SRC: variants seen among roughly 807,000 people sequenced by gnomAD.
The protein encoded by SRC is proto-oncogene tyrosine-protein kinase Src.
Under a neutral mutation model 62.9 loss-of-function variants are expected in SRC, and 13 were observed. The ratio of observed to expected loss-of-function variants is 0.21; its 90% CI spans 0.13 to 0.33. The LOEUF is 0.33. Ranked by LOEUF, SRC falls within the 10% of genes least tolerant of loss-of-function variation. The probability of loss-of-function intolerance (pLI) is 1.00; values close to 1 mark genes in which losing one functional copy is unlikely to be tolerated. For missense variants in SRC, 457 were observed against 737.3 expected (o/e 0.62, Z 4.40); for synonymous variants, 302 against 317.5 (o/e 0.95, Z 0.52).
In SRC at chr20:37,384,646, T is replaced by C. The variant is rs79611675; in HGVS notation, c.250+243T>C. ...AAGACACGGGGTGTGGTTAATGGGT[T>C]CTAATTGGACGCTTAAGCCCAAGAA... On this transcript the variant is annotated intron_variant, in intron 4 of 13. Transcript: ENST00000373578. This position sits in a 1 kb window ranked among gnomAD's most constrained non-coding sequence, Gnocchi z 6.7. 1 allele frequency among the ~76,000 whole-genome samples: 151,783 copies of C among 151,810 alleles called. 75,878 individuals are homozygous for C. Among genetic ancestry groups the C allele is most frequent in the Middle Eastern group, 1 (288 of 288 alleles).
chr20:37,355,714 T>C (rs1433787132), intron 1 of SRC, among the ~76,000 whole-genome samples: 1 of 152,074 alleles, frequency 6.6e-6, no homozygotes, highest in Non-Finnish European at 1.5e-5. Flanking sequence ...GAGGAGGTGA[T>C]ACCTGGCCTG....
At chr20:37,375,866 TGA>T in intron 2 of SRC, among the ~76,000 whole-genome samples, 1 of 152,348 alleles carries the variant, frequency 6.6e-6, no homozygotes, top group African/African-American at 2.4e-5. Flanking sequence ...CAGTGTCTGA[TGA>T]GGACTCTCTT....
At chr20:37,353,155 C>A (rs916849387) in intron 1 of SRC, among the ~76,000 whole-genome samples, 1 of 152,168 alleles carries the variant, frequency 6.6e-6, no homozygotes, top group Non-Finnish European at 1.5e-5. Context: ...CCAGCACCAG[C>A]GGGGCTGAGA....
intron 7 of SRC, 61 bp downstream of exon 7, chr20:37,394,338 G>A (rs1411756464): frequency 1.4e-6 from 2 of 1,464,536 alleles, no homozygotes; most frequent in Admixed American, 1.7e-5. Flanking sequence ...TGAGCTGGGT[G>A]TTGTGGAATG....
In SRC at chr20:37,354,739, G is replaced by A. The variant is rs534343373; in HGVS notation, c.-247+8484G>A. Reference sequence around the variant, plus strand: ...CACCAATCCCCACCAGGCCTTCTGGGTGCCCTGTGGTTGCCAGCACCCAGA... The same window carrying A: ...CACCAATCCCCACCAGGCCTTCTGGATGCCCTGTGGTTGCCAGCACCCAGA... On this transcript the variant is annotated intron_variant, in intron 1 of 13. Coordinates refer to ENST00000373578, the MANE Select transcript of SRC (RefSeq NM_198291.3). Among the ~76,000 whole-genome samples, 3 of 152,298 alleles carry A rather than the reference G, an allele frequency of 2.0e-5. No individual in the cohort carries two copies. The South Asian group carries it at 6.2e-4, about 32-fold the overall frequency.
intron 2 of SRC, among the ~76,000 whole-genome samples, chr20:37,380,090 G>A (rs1389727558): frequency 6.6e-6 from 1 of 151,864 alleles, no homozygotes; most frequent in African/African-American, 2.4e-5. Flanking sequence ...GGTATCTCAG[G>A]GCCTCAGTTT....
chr20:37,346,371 C>G (rs2069720822), intron 1 of SRC, 116 bp downstream of exon 1: 1 of 150,422 alleles, frequency 6.6e-6, no homozygotes, highest in Non-Finnish European at 1.5e-5. Flanking sequence ...TCCACCCCCC[C>G]AATTCCCACC....
chr20:37,384,111 A>G lies in SRC; in HGVS notation c.-4-39A>G. 6.3e-7 allele frequency: 1 copy of G among 1,589,558 alleles called. No individual in the cohort carries two copies. The highest frequency in any genetic ancestry group is 8.5e-7 in the Non-Finnish European group (1 of 1,172,900). On this transcript the variant is annotated intron_variant, in intron 3 of 13. Coordinates refer to ENST00000373578, the MANE Select transcript of SRC (RefSeq NM_198291.3). The surrounding 1 kb of genome is among the most constrained non-coding windows in gnomAD (Gnocchi z 6.7). Reference sequence around the variant, plus strand: ...GGGAGGCCGGCCAAGGGGCCCCGGCAGCCCTGCCTGTTCCAGTGTCTTCTC... The same window carrying G: ...GGGAGGCCGGCCAAGGGGCCCCGGCGGCCCTGCCTGTTCCAGTGTCTTCTC...
chr20:37,394,591 A>T (rs951841028), intron 7 of SRC, among the ~76,000 whole-genome samples: 1 of 152,068 alleles, frequency 6.6e-6, no homozygotes, highest in African/African-American at 2.4e-5. Flanking sequence ...TGCTGCTACA[A>T]TGAGCCCCGC....
intron 5 of SRC, among the ~76,000 whole-genome samples, chr20:37,387,118 C>T (rs1271747418): frequency 6.6e-6 from 1 of 152,182 alleles, no homozygotes; most frequent in Non-Finnish European, 1.5e-5. Flanking sequence ...AGAATCGATC[C>T]CTGGGTGTCC....
chr20:37,384,543 C>CGGGGGGGGGGGGG lies in SRC; in HGVS notation c.250+146_250+147insGGGGGGGGGGGGG, dbSNP rs1242378998. The CGGGGGGGGGGGGG allele has an allele frequency of 6.3e-6, 1 of 159,488 alleles. No homozygotes were observed. Among genetic ancestry groups the CGGGGGGGGGGGGG allele is most frequent in the African/African-American group, 5.1e-5 (1 of 19,554 alleles). 9.9% of individuals were successfully genotyped at this position (159,488 alleles called of 1,614,324 possible). A position where few individuals can be genotyped will look rare whatever the true frequency, so the allele number is the denominator to read the frequency against. On this transcript the variant is annotated intron_variant, in intron 4 of 13. Transcript: ENST00000373578. This position sits in a 1 kb window ranked among gnomAD's most constrained non-coding sequence, Gnocchi z 6.7. ...AGCGCCCCTGGGTGACTTGGGTGTCCGGGGGGTGGGGGGGCGGCCGTACAC... is the reference window on the plus strand; with the variant it reads ...AGCGCCCCTGGGTGACTTGGGTGTCCGGGGGGGGGGGGGGGGGGGTGGGGGGGCGGCCGTACAC...
intron 2 of SRC, among the ~76,000 whole-genome samples, chr20:37,370,737 A>C (rs11908547): frequency 0.05 from 7,611 of 152,088 alleles, 617 homozygotes; most frequent in African/African-American, 0.17. Context: ...TTGGTCTGTA[A>C]TTTTCTTTTC....
intron 1 of SRC, among the ~76,000 whole-genome samples, chr20:37,355,150 C>T (rs2069862370): frequency 6.6e-6 from 1 of 152,126 alleles, no homozygotes; most frequent in African/African-American, 2.4e-5. Context: ...TCAGCGCCAA[C>T]TGTGGTGATT....
chr20:37,393,655 C>G (rs999185366), intron 5 of SRC: 2 of 533,030 alleles, frequency 3.8e-6, no homozygotes, highest in Non-Finnish European at 3.4e-6. Flanking sequence ...CAGTCCTGCC[C>G]TGGTCCAAGA....
intron 2 of SRC, among the ~76,000 whole-genome samples, chr20:37,374,462 A>G (rs1211814392): frequency 1.3e-5 from 2 of 152,084 alleles, no homozygotes; most frequent in Non-Finnish European, 2.9e-5. Flanking sequence ...TGGGAATGTT[A>G]ACTTAATTCC....
rs1172493512 is a variant in SRC, at chr20:37,393,928, C to T, written c.384C>T (p.Ser128=). Residue 128 remains serine (S), a synonymous_variant, in exon 6 of 14, where the codon AGC becomes AGT. Transcript: ENST00000373578. Reference sequence around the variant, plus strand: ...ACTGGTGGCTGGCCCACTCGCTCAGCACAGGACAGACAGGCTACATCCCCA... The same window carrying T: ...ACTGGTGGCTGGCCCACTCGCTCAGTACAGGACAGACAGGCTACATCCCCA... ...EGDWWLAHSL[S]TGQTGYIPSN... 3 of 1,614,126 alleles carry T rather than the reference C, an allele frequency of 1.9e-6. No homozygotes were observed. Among genetic ancestry groups the T allele is most frequent in the Non-Finnish European group, 2.5e-6 (3 of 1,180,018 alleles).
At chr20:37,369,465 G>A (rs1464970435) in intron 2 of SRC, among the ~76,000 whole-genome samples, 2 of 152,080 alleles carry the variant, frequency 1.3e-5, no homozygotes, top group African/African-American at 2.4e-5. Flanking sequence ...GAAATACAAT[G>A]TATTTTTGTG....
At chr20:37,350,028 A>T (rs903892243) in intron 1 of SRC, among the ~76,000 whole-genome samples, 3 of 152,138 alleles carry the variant, frequency 2.0e-5, no homozygotes, top group Non-Finnish European at 4.4e-5. Flanking sequence ...AGAGCCACTG[A>T]AAAAGGCCAC....
chr20:37,355,462 C>T (rs2069868327), intron 1 of SRC, among the ~76,000 whole-genome samples: 1 of 152,192 alleles, frequency 6.6e-6, no homozygotes, highest in Admixed American at 6.5e-5. Context: ...AGTGCTGCCA[C>T]TGGGAGTGGC....
Sources: allele counts gnomAD v4.1 joint callset (sites outside exome capture counted in the v4.1 genomes callset), GRCh38; gene constraint gnomAD v4.1.1; non-coding constraint Gnocchi (gnomAD v3.1); transcripts MANE v1.5; gene names NCBI Gene and HGNC (gene_info 2026-07-23, HGNC 2026-07-21).